YES1: variants seen among roughly 807,000 people sequenced by gnomAD.
YES1 encodes the protein tyrosine-protein kinase Yes.
A neutral mutation model predicts 70.4 loss-of-function variants in YES1; 39 were observed. The observed-to-expected ratio is 0.55, with a 90% CI of 0.43 to 0.72. The LOEUF is 0.72. YES1 is among the 30% of genes least tolerant of loss of function. The pLI is 0.00. For missense variants in YES1, 495 were observed against 644.8 expected (o/e 0.77, Z 2.52); for synonymous variants, 198 against 218.6 (o/e 0.91, Z 0.83).
chr18:759,916 G>C (rs1904497266), intron 1 of YES1, among the ~76,000 whole-genome samples: 1 of 139,990 alleles, frequency 7.1e-6, no homozygotes, highest in South Asian at 2.2e-4. Flanking sequence ...GTGTCCAAGT[G>C]TTCTCATTGT....
intron 1 of YES1, among the ~76,000 whole-genome samples, chr18:773,401 C>T (rs535092129): frequency 6.6e-6 from 1 of 152,278 alleles, no homozygotes; most frequent in South Asian, 2.1e-4. Flanking sequence ...GGCAAGTTCT[C>T]AGGAGCAGAG....
chr18:778,353 A>G (rs1354703962), intron 1 of YES1, among the ~76,000 whole-genome samples: 1 of 152,252 alleles, frequency 6.6e-6, no homozygotes, highest in Non-Finnish European at 1.5e-5. Context: ...CATTATTTAC[A>G]GCCAAATCCA....
Position 807,331 on chromosome 18 carries a change from CA to C in YES1, c.-9+4782del, listed in dbSNP as rs34717750. Among the ~76,000 whole-genome samples the C allele has an allele frequency of 6.1e-3, 772 of 125,590 alleles. 2 individuals carry two copies. The highest frequency in any genetic ancestry group is 0.01 in the South Asian group (40 of 3,820). 82.4% of individuals were successfully genotyped at this position (125,590 alleles called of 152,430 possible). On this transcript the variant is annotated intron_variant, in intron 1 of 11. Coordinates refer to ENST00000314574, the MANE Select transcript of YES1 (RefSeq NM_005433.4). ...CCTGGGCAGTAGAGTGATACTTCAT[CA>C]AAAAAAAAAAAAAAAAATTAGCCAG...
intron 1 of YES1, among the ~76,000 whole-genome samples, chr18:757,458 G>C (rs1479616196): frequency 6.8e-6 from 1 of 147,924 alleles, no homozygotes; most frequent in Non-Finnish European, 1.5e-5. Flanking sequence ...AGCAGAGATC[G>C]CGCCACTGCA....
intron 11 of YES1, among the ~76,000 whole-genome samples, chr18:731,966 CAAAAAA>C (rs1165333694): frequency 1.9e-4 from 15 of 79,970 alleles, no homozygotes; most frequent in African/African-American, 2.5e-4. Context: ...GACTCCATTT[CAAAAAA>C]AAAAAAAAAA....
Position 745,823 on chromosome 18 carries a change from C to G in YES1, c.609G>C (p.Glu203Asp). The G allele has an allele frequency of 6.2e-7, 1 of 1,612,964 alleles. No individual in the cohort carries two copies. The highest frequency in any genetic ancestry group is 8.5e-7 in the Non-Finnish European group (1 of 1,179,782). Reference protein sequence around the residue: ...AYSLSIRDWDEIRGDNVKHYK... With the variant: ...AYSLSIRDWDDIRGDNVKHYK... ...AGTGTTTCACATTGTCACCCCTTATCTCATCCCAATCACGAATAGAAAGGG... is the reference window on the plus strand; with the variant it reads ...AGTGTTTCACATTGTCACCCCTTATGTCATCCCAATCACGAATAGAAAGGG... Residue 203 changes from glutamate to aspartate, a missense_variant, in exon 6 of 12, where the codon GAG becomes GAC. Coordinates refer to ENST00000314574, the MANE Select transcript of YES1 (RefSeq NM_005433.4).
At chr18:800,358 G>A (rs528044236) in intron 1 of YES1, among the ~76,000 whole-genome samples, 4 of 152,306 alleles carry the variant, frequency 2.6e-5, no homozygotes, top group South Asian at 2.1e-4. Context: ...CTACCCTCAC[G>A]GAGCTTACAT....
chr18:771,232 T>C (rs1905140950), intron 1 of YES1, among the ~76,000 whole-genome samples: 1 of 151,982 alleles, frequency 6.6e-6, no homozygotes, highest in African/African-American at 2.4e-5. Flanking sequence ...CTGGGCATGG[T>C]GGTGCATGCC....
chr18:740,376 C>A (rs2080203884), intron 8 of YES1, among the ~76,000 whole-genome samples: 1 of 152,170 alleles, frequency 6.6e-6, no homozygotes, highest in African/African-American at 2.4e-5. Flanking sequence ...ACATTTAAAA[C>A]ATAAAAGTGG....
chr18:812,640 C>A (rs1907476026), upstream of YES1: 1 of 152,536 alleles, frequency 6.6e-6, no homozygotes, highest in Non-Finnish European at 1.5e-5. Flanking sequence ...AGAGCAGGCC[C>A]GCGGCGTCCC....
intron 11 of YES1, among the ~76,000 whole-genome samples, chr18:729,721 G>T (rs771487857): frequency 6.7e-6 from 1 of 149,376 alleles, no homozygotes; most frequent in Non-Finnish European, 1.5e-5. Flanking sequence ...CCACCTCCTG[G>T]GTTCAAGCGA....
At chr18:780,780 A>T (rs1905619133) in intron 1 of YES1, among the ~76,000 whole-genome samples, 1 of 151,984 alleles carries the variant, frequency 6.6e-6, no homozygotes, top group African/African-American at 2.4e-5. Flanking sequence ...CTTGACTACT[A>T]ATTATTTACG....
chr18:811,421 T>G lies in YES1; in HGVS notation c.-9+693A>C, dbSNP rs536732440. The stretch of plus-strand genomic sequence containing the variant: ...TAAAACAGCTCTGCCCCATGCCCAA[T>G]AAAGTGAAAGCTGGAAGCAATTATC... On this transcript the variant is annotated intron_variant, in intron 1 of 11. Transcript: ENST00000314574. 2.9e-4 allele frequency among the ~76,000 whole-genome samples: 44 copies of G among 152,226 alleles called. 1 individual carries two copies. Among genetic ancestry groups the G allele is most frequent in the African/African-American group, 1.0e-3 (42 of 41,528 alleles).
intron 1 of YES1, among the ~76,000 whole-genome samples, chr18:759,372 CAGG>C (rs1904456255): frequency 6.6e-6 from 1 of 152,144 alleles, no homozygotes; most frequent in Non-Finnish European, 1.5e-5. Flanking sequence ...GAGGCTGGCG[CAGG>C]AGAATTGCTT....
At chr18:751,073 A>G (rs2080336181) in intron 3 of YES1, among the ~76,000 whole-genome samples, 1 of 152,194 alleles carries the variant, frequency 6.6e-6, no homozygotes, top group Admixed American at 6.5e-5. Context: ...ACCATATTTT[A>G]TGTTCCGGAA....
chr18:745,884 A>C (rs3214047), intron 5 of YES1, 27 bp from the exon 6 acceptor site: 171,767 of 1,607,400 alleles, frequency 0.11, 10,097 homozygotes, highest in East Asian at 0.25. Flanking sequence ...TACTTTCACT[A>C]TATCTTTCTC....
rs972286959 is a variant in YES1, at chr18:736,788, T to C, written c.1291+20A>G. The C allele has an allele frequency of 6.2e-7, 1 of 1,606,872 alleles. No homozygotes were observed. The highest frequency in any genetic ancestry group is 8.5e-7 in the Non-Finnish European group (1 of 1,178,042). ...AAAACACACAACACATTACAAGCTT[T>C]TATGTAAAAGTAATTTTACCTTGTC... is the stretch of plus-strand genomic sequence containing the variant. On this transcript the variant is annotated intron_variant, in intron 10 of 11. Coordinates refer to ENST00000314574, the MANE Select transcript of YES1 (RefSeq NM_005433.4).
intron 11 of YES1, 130 bp downstream of exon 11, chr18:732,704 T>G: frequency 8.3e-7 from 1 of 1,206,054 alleles, no homozygotes. Context: ...AGGGAAGGAG[T>G]GGGGAGAGGG....
chr18:763,703 CAAAAAAAAAAAAA>C (rs71174286), intron 1 of YES1, among the ~76,000 whole-genome samples: 9 of 63,702 alleles, frequency 1.4e-4, no homozygotes, highest in Admixed American at 2.0e-4. Context: ...ATCCTGTCTT[CAAAAAAAAAAAAA>C]AAAAAAAAAG....
Sources: allele counts gnomAD v4.1 joint callset (sites outside exome capture counted in the v4.1 genomes callset), GRCh38; gene constraint gnomAD v4.1.1; transcripts MANE v1.5; gene names NCBI Gene and HGNC (gene_info 2026-07-23, HGNC 2026-07-21).